Variants in SLC25A13 observed in about 807,000 individuals in gnomAD.
The protein encoded by SLC25A13 is electrogenic aspartate/glutamate antiporter SLC25A13, mitochondrial.
In SLC25A13, 70 loss-of-function variants were observed where a neutral mutation model predicts 85.5. The ratio of observed to expected loss-of-function variants is 0.82; its 90% CI spans 0.68 to 1.00. SLC25A13 has a LOEUF of 1.00. Among genes scored for constraint, SLC25A13 ranks in the 50% least tolerant of loss-of-function variants. The probability of loss-of-function intolerance (pLI) is 0.00; values close to 1 mark genes in which losing one functional copy is unlikely to be tolerated. For synonymous variants in SLC25A13, 259 were observed against 288.7 expected (o/e 0.90, Z 1.04); for missense variants, 765 against 819.8 (o/e 0.93, Z 0.82).
chr7:96,237,647 T>A (rs1245059301), intron 3 of SLC25A13, among the ~76,000 whole-genome samples: 1 of 152,068 alleles, frequency 6.6e-6, no homozygotes, highest in Non-Finnish European at 1.5e-5. Context: ...CAGCCAGGGA[T>A]CACAGGGTTC....
chr7:96,286,847 G>A (rs1798909777), intron 2 of SLC25A13, among the ~76,000 whole-genome samples: 1 of 152,202 alleles, frequency 6.6e-6, no homozygotes, highest in Non-Finnish European at 1.5e-5. Flanking sequence ...ATCTGGCTCA[G>A]TTCCACTGGC....
intron 1 of SLC25A13, among the ~76,000 whole-genome samples, chr7:96,316,027 G>A (rs961815464): frequency 1.3e-5 from 2 of 151,992 alleles, no homozygotes; most frequent in African/African-American, 4.8e-5. Context: ...AGGAGGCTGC[G>A]GTGGGAGGAT....
intron 9 of SLC25A13, among the ~76,000 whole-genome samples, chr7:96,188,794 A>T (rs573359689): frequency 1.3e-5 from 2 of 152,366 alleles, no homozygotes; most frequent in South Asian, 4.1e-4. Context: ...CAGAGAAAAT[A>T]GGTCTGAAAG....
At chr7:96,318,361 A>C (rs1800207404) in intron 1 of SLC25A13, among the ~76,000 whole-genome samples, 1 of 152,248 alleles carries the variant, frequency 6.6e-6, no homozygotes, top group Admixed American at 6.5e-5. Context: ...TGACCTCTCA[A>C]TTACCACCTT....
At chr7:96,165,599 T>A (rs755876189) in intron 13 of SLC25A13, among the ~76,000 whole-genome samples, 1 of 152,208 alleles carries the variant, frequency 6.6e-6, no homozygotes, top group Non-Finnish European at 1.5e-5. Context: ...CTGGGAATCA[T>A]ATGAGGTGTT....
intron 3 of SLC25A13, among the ~76,000 whole-genome samples, chr7:96,273,654 A>AT (rs1798330964): frequency 6.6e-6 from 1 of 152,322 alleles, no homozygotes; most frequent in African/African-American, 2.4e-5. Flanking sequence ...GATGGTAAAA[A>AT]TTTTAATAAA....
At chr7:96,144,954 C>T (rs1008845868) in intron 14 of SLC25A13, among the ~76,000 whole-genome samples, 10 of 152,182 alleles carry the variant, frequency 6.6e-5, no homozygotes, top group African/African-American at 2.2e-4. Context: ...GTCAAAATGA[C>T]ATGCTGCTAC....
intron 13 of SLC25A13, among the ~76,000 whole-genome samples, chr7:96,168,568 G>C (rs1260156823): frequency 6.6e-6 from 1 of 152,074 alleles, no homozygotes; most frequent in Admixed American, 6.5e-5. Flanking sequence ...AATCTCCTTG[G>C]CACCCAGAGG....
chr7:96,263,680 TTCTA>T (rs1460110563), intron 3 of SLC25A13, among the ~76,000 whole-genome samples: 2 of 152,084 alleles, frequency 1.3e-5, no homozygotes, highest in Admixed American at 6.6e-5. Context: ...CTCTCTCAAC[TTCTA>T]TCTTAGTTCT....
chr7:96,143,838 C>T (rs1215268781), intron 14 of SLC25A13, among the ~76,000 whole-genome samples: 1 of 152,142 alleles, frequency 6.6e-6, no homozygotes, highest in East Asian at 1.9e-4. Context: ...CAACCACTCA[C>T]CCTTCTTGGG....
chr7:96,255,277 T>A (rs997737899), intron 3 of SLC25A13, among the ~76,000 whole-genome samples: 7 of 152,312 alleles, frequency 4.6e-5, no homozygotes, highest in Admixed American at 2.6e-4. Context: ...GGATTTTCAA[T>A]GAAAGAGCGG....
intron 13 of SLC25A13, among the ~76,000 whole-genome samples, chr7:96,158,552 C>T (rs2116529629): frequency 6.6e-6 from 1 of 152,230 alleles, no homozygotes; most frequent in East Asian, 1.9e-4. Context: ...TTTAATTATG[C>T]TCAATTGAAT....
chr7:96,228,580 G>A (rs191293871), intron 4 of SLC25A13, among the ~76,000 whole-genome samples: 103 of 152,284 alleles, frequency 6.8e-4, no homozygotes, highest in South Asian at 3.5e-3. Flanking sequence ...CGCTCTAGGC[G>A]CCTCCTCGGC....
intron 3 of SLC25A13, among the ~76,000 whole-genome samples, chr7:96,262,581 C>T (rs73710264): frequency 0.013 from 1,923 of 151,972 alleles, 41 homozygotes; most frequent in African/African-American, 0.045. Context: ...GTATGGGTGA[C>T]GAAGAGCCTC....
chr7:96,142,421 GC>G, intron 14 of SLC25A13, among the ~76,000 whole-genome samples: 1 of 152,266 alleles, frequency 6.6e-6, no homozygotes, highest in South Asian at 2.1e-4. Context: ...CCATGTTGCT[GC>G]AAAGGATATA....
At chr7:96,132,050 A>C (rs554291591) in intron 14 of SLC25A13, among the ~76,000 whole-genome samples, 169 bp from the exon 15 acceptor site, 86 of 152,372 alleles carry the variant, frequency 5.6e-4, no homozygotes, top group Admixed American at 5.6e-3. Flanking sequence ...CAAGTAATAA[A>C]TCTAAACTTT....
At chr7:96,240,923 G>A (rs1796946124) in intron 3 of SLC25A13, among the ~76,000 whole-genome samples, 1 of 140,112 alleles carries the variant, frequency 7.1e-6, no homozygotes, top group South Asian at 2.5e-4. Flanking sequence ...AGAGACCAGA[G>A]TTGAGGAGAT....
At chr7:96,212,038 G>T (rs923234038) in intron 4 of SLC25A13, among the ~76,000 whole-genome samples, 7 of 152,128 alleles carry the variant, frequency 4.6e-5, no homozygotes. Flanking sequence ...AAGGAAGGAG[G>T]TAGAGAAGAC....
chr7:96,186,743 G>C (rs1238343999), intron 9 of SLC25A13, among the ~76,000 whole-genome samples: 1 of 152,058 alleles, frequency 6.6e-6, no homozygotes, highest in African/African-American at 2.4e-5. Context: ...AAGTAGATAG[G>C]TATTTGTCAT....
Sources: allele counts gnomAD v4.1 joint callset (sites outside exome capture counted in the v4.1 genomes callset), GRCh38; gene constraint gnomAD v4.1.1; transcripts MANE v1.5; gene names NCBI Gene and HGNC (gene_info 2026-07-23, HGNC 2026-07-21).